PDCD11: variants seen among roughly 807,000 people sequenced by gnomAD.
The protein encoded by PDCD11 is programmed cell death 11.
Under a neutral mutation model 198.9 loss-of-function variants are expected in PDCD11, and 97 were observed. The ratio of observed to expected loss-of-function variants is 0.49; its 90% CI spans 0.41 to 0.58. The LOEUF is 0.58. Ranked by LOEUF, PDCD11 falls within the 20% of genes least tolerant of loss-of-function variation. PDCD11 has a pLI of 0.00. For synonymous variants in PDCD11, 893 were observed against 918.0 expected (o/e 0.97, Z 0.49); for missense variants, 2,102 against 2,312.7 (o/e 0.91, Z 1.87).
chr10:103,440,197 T>G (rs1172491601), intron 28 of PDCD11, 93 bp from the exon 29 acceptor site: 3 of 1,519,302 alleles, frequency 2.0e-6, no homozygotes, highest in Non-Finnish European at 2.6e-6. Context: ...GGGCCCAGAA[T>G]CGTGGGCTGA....
rs1226399085 is a variant in PDCD11, at chr10:103,440,433, G to A, written c.4292G>A (p.Gly1431Glu). The A allele has an allele frequency of 6.2e-7, 1 of 1,614,194 alleles. No individual in the cohort carries two copies. Among genetic ancestry groups the A allele is most frequent in the Non-Finnish European group, 8.5e-7 (1 of 1,180,026 alleles). Residue 1431 changes from glycine (G) to glutamate (E), a missense_variant, in exon 29 of 36, where the codon GGG (glycine) becomes GAG (glutamate). Transcript: ENST00000369797. ...KTEAEERDQK[G>E]EKKNQKRNEK... ...GAGGCTGAGGAGAGAGACCAAAAAG[G>A]GGAAAAGAAAAATCAGAAAAGGAAC...
At position 103,434,294 on chromosome 10, in the gene PDCD11, G is replaced by A; in HGVS notation, c.3611G>A (p.Arg1204Lys). The A allele has an allele frequency of 6.2e-7, 1 of 1,614,024 alleles. No individual in the cohort carries two copies. ...AAGTTCCGGGTTGGCCAGGCCCTGA[G>A]GGCCACCGTTGTTGGCCCAGATTCC... is the stretch of plus-strand genomic sequence containing the variant. ...DKKFRVGQAL[R>K]ATVVGPDSSK... Residue 1204 changes from arginine (R) to lysine (K), a missense_variant, in exon 24 of 36, where the codon AGG (arginine) becomes AAG (lysine). Transcript: ENST00000369797.
intron 8 of PDCD11, among the ~76,000 whole-genome samples, chr10:103,410,308 C>A (rs2030718770): frequency 6.6e-6 from 1 of 151,064 alleles, no homozygotes; most frequent in African/African-American, 2.4e-5. Context: ...AGAGAAGGAG[C>A]AGGTGGAGAA....
chr10:103,406,074 G>A lies in PDCD11; in HGVS notation c.654G>A (p.Leu218=). 6.2e-7 allele frequency: 1 copy of A among 1,614,188 alleles called. No individual in the cohort carries two copies. Among genetic ancestry groups the A allele is most frequent in the Non-Finnish European group, 8.5e-7 (1 of 1,180,034 alleles). Residue 218 remains leucine (L), a synonymous_variant, in exon 6 of 36, where the codon CTG becomes CTA. Coordinates refer to ENST00000369797, the MANE Select transcript of PDCD11 (RefSeq NM_014976.2). ...VDGTRAFLPL[L]KAQEYIRQKN... Reference sequence around the variant, plus strand: ...GGACCAGAGCTTTTCTGCCACTGCTGAAAGCCCAGGAGTACATCAGACAGA... The same window carrying A: ...GGACCAGAGCTTTTCTGCCACTGCTAAAAGCCCAGGAGTACATCAGACAGA...
intron 23 of PDCD11, 67 bp from the exon 24 acceptor site, chr10:103,434,181 A>C: frequency 8.0e-7 from 1 of 1,257,728 alleles, no homozygotes; most frequent in Admixed American, 1.7e-5. Context: ...TGGAGACTTA[A>C]ATGCTGTGGT....
chr10:103,429,649 A>G (rs557695708), intron 21 of PDCD11, among the ~76,000 whole-genome samples: 4 of 152,312 alleles, frequency 2.6e-5, no homozygotes, highest in African/African-American at 7.2e-5. Context: ...TAAAATTACT[A>G]TAACACATAC....
chr10:103,416,401 G>C (rs565952592), intron 12 of PDCD11, 90 bp from the exon 13 acceptor site: 2 of 1,385,296 alleles, frequency 1.4e-6, no homozygotes, highest in Admixed American at 3.8e-5. Flanking sequence ...GAATGGCCCC[G>C]TGGCTTTTGG....
intron 20 of PDCD11, 55 bp from the exon 21 acceptor site, chr10:103,427,274 A>G: frequency 1.3e-6 from 2 of 1,496,606 alleles, no homozygotes; most frequent in South Asian, 1.1e-5. Flanking sequence ...CCTGACCTAC[A>G]GATTACTGTG....
rs377727903 is a variant in PDCD11 at position 103,406,141 on chromosome 10, G to T, written c.688+33G>T. 3.2e-5 allele frequency: 51 copies of T among 1,608,772 alleles called. No homozygotes were observed. In the Middle Eastern group the frequency reaches 2.5e-3, roughly 80 times the overall value. ...CAAGAAAAGGGGCCAGTACATGGTG[G>T]TGAGGTGGTACATGTGGGGATTATA... On this transcript the variant is annotated intron_variant, in intron 6 of 35. Coordinates refer to ENST00000369797, the MANE Select transcript of PDCD11 (RefSeq NM_014976.2).
intron 13 of PDCD11, among the ~76,000 whole-genome samples, chr10:103,417,507 T>G (rs1485475952): frequency 6.6e-6 from 1 of 152,234 alleles, no homozygotes; most frequent in Non-Finnish European, 1.5e-5. Context: ...TTACAATGTG[T>G]AACGATCAAA....
At chr10:103,444,477 T>C (rs766888177) in intron 34 of PDCD11, 40 bp from the exon 35 acceptor site, 8 of 1,592,820 alleles carry the variant, frequency 5.0e-6, no homozygotes, top group Non-Finnish European at 6.9e-6. Flanking sequence ...GTGAGGGGGC[T>C]GTCTGCTTGT....
Position 103,443,230 on chromosome 10 carries a change from A to C in PDCD11, c.5021A>C (p.Gln1674Pro). Residue 1674 changes from glutamine to proline, a missense_variant, in exon 33 of 36, where the codon CAG (glutamine) becomes CCG (proline). Transcript: ENST00000369797. ...LLNLENMYGS[Q>P]ESLTKVFERA... ...AACCTGGAGAACATGTACGGCTCTC[A>C]GGAGTCCCTGACCAAGGTCTTTGAG... 1 of 1,612,618 alleles carries C rather than the reference A, an allele frequency of 6.2e-7. No individual in the cohort carries two copies.
chr10:103,440,654 G>A (rs2032345189), intron 29 of PDCD11, 73 bp downstream of exon 29: 3 of 1,611,902 alleles, frequency 1.9e-6, no homozygotes, highest in Admixed American at 1.7e-5. Context: ...TGGGGACAGG[G>A]CACCCAGTGG....
At chr10:103,403,440 A>G (rs537455623) in intron 4 of PDCD11, among the ~76,000 whole-genome samples, 155 bp downstream of exon 4, 1 of 152,324 alleles carries the variant, frequency 6.6e-6, no homozygotes, top group Admixed American at 6.5e-5. Flanking sequence ...AGCCTGGAAG[A>G]CTGTTGAGGA....
Position 103,441,806 on chromosome 10 carries a change from G to A in PDCD11, c.4558-20G>A, listed in dbSNP as rs2133753368. The A allele has an allele frequency of 6.2e-7, 1 of 1,611,498 alleles. No individual in the cohort carries two copies. On this transcript the variant is annotated intron_variant, in intron 30 of 35. Coordinates refer to ENST00000369797, the MANE Select transcript of PDCD11 (RefSeq NM_014976.2). Reference sequence around the variant, plus strand: ...CAGCCTGAGCCAGGTGCTTTCTTTAGCGCCTCTGTGTTCCTCCAGGAGAAG... The same window carrying A: ...CAGCCTGAGCCAGGTGCTTTCTTTAACGCCTCTGTGTTCCTCCAGGAGAAG...
chr10:103,412,604 G>A (rs1379911034), intron 8 of PDCD11, among the ~76,000 whole-genome samples: 1 of 152,134 alleles, frequency 6.6e-6, no homozygotes, highest in Non-Finnish European at 1.5e-5. Flanking sequence ...TGGGATTATA[G>A]GCATCAGCCA....
Position 103,419,674 on chromosome 10 carries a change from T to C in PDCD11, c.2243T>C (p.Phe748Ser). The C allele has an allele frequency of 6.2e-7, 1 of 1,614,064 alleles. No homozygotes were observed. Among genetic ancestry groups the C allele is most frequent in the South Asian group, 1.1e-5 (1 of 91,062 alleles). Residue 748 changes from phenylalanine to serine, a missense_variant, in exon 16 of 36, where the codon TTC (phenylalanine) becomes TCC (serine). Physicochemically the swap from Phe to Ser is radical, Grantham distance 155. Coordinates refer to ENST00000369797, the MANE Select transcript of PDCD11 (RefSeq NM_014976.2). ...AAGGACTATGGCGTGTTCATCCAGT[T>C]CCCCTCAGGTCTTAGCGGACTGGCC... ...SIKDYGVFIQ[F>S]PSGLSGLAPK...
At position 103,445,468 on chromosome 10, in the gene PDCD11, T is replaced by A; in HGVS notation, c.5535T>A (p.His1845Gln). The change falls in exon 36 of 36, where the codon CAT becomes CAA. Residue 1845 changes from histidine (H) to glutamine (Q), a missense_variant. Physicochemically the swap from His to Gln is conservative, Grantham distance 24. Coordinates refer to ENST00000369797, the MANE Select transcript of PDCD11 (RefSeq NM_014976.2). The stretch of plus-strand genomic sequence containing the variant: ...GCTACCTGGACTACGAGAAGCAGCA[T>A]GGCACTGAGAAGGATGTGCAGGCAG... ...FKRYLDYEKQ[H>Q]GTEKDVQAVK... 6.2e-7 allele frequency: 1 copy of A among 1,614,180 alleles called. No homozygotes were observed. Among genetic ancestry groups the A allele is most frequent in the South Asian group, 1.1e-5 (1 of 91,080 alleles).
At chr10:103,430,804 CT>C (rs113451312) in intron 21 of PDCD11, among the ~76,000 whole-genome samples, 143 of 145,944 alleles carry the variant, frequency 9.8e-4, no homozygotes, top group Admixed American at 1.0e-3. Context: ...CTTTTGCTCT[CT>C]TTTTTTTTTT....
Sources: gnomAD v4.1 joint callset for allele counts (sites outside exome capture counted in the v4.1 genomes callset) on GRCh38, gnomAD v4.1.1 for gene constraint, MANE v1.5 for transcripts, NCBI Gene and HGNC (gene_info 2026-07-23, HGNC 2026-07-21) for gene names.